Variants in CABLES1 observed in about 807,000 individuals in gnomAD.
CABLES1 encodes the protein Cdk5 and Abl enzyme substrate 1.
In CABLES1, 36 loss-of-function variants were observed where a neutral mutation model predicts 57.8. That is an observed-to-expected ratio of 0.62 (90% CI 0.48 to 0.82). The LOEUF (loss-of-function observed/expected upper bound fraction) is 0.82, where lower values mean the gene tolerates loss of function less well. Ranked by LOEUF, CABLES1 falls within the 40% of genes least tolerant of loss-of-function variation. The probability of loss-of-function intolerance (pLI) is 0.00; values close to 1 mark genes in which losing one functional copy is unlikely to be tolerated. For missense variants in CABLES1, 767 were observed against 836.6 expected, an observed-to-expected ratio of 0.92 and a Z score of 1.03; for synonymous variants, 374 against 363.0, an observed-to-expected ratio of 1.03 and a Z score of -0.35.
chr18:23,183,020 G>C (rs1889085223), intron 1 of CABLES1, among the ~76,000 whole-genome samples: 1 of 152,254 alleles, frequency 6.6e-6, no homozygotes, highest in South Asian at 2.1e-4. Flanking sequence ...GGTCCTCAGA[G>C]TCGCTGCAAA....
intron 4 of CABLES1, among the ~76,000 whole-genome samples, chr18:23,231,921 G>A (rs981328147): frequency 5.3e-5 from 8 of 152,146 alleles, no homozygotes; most frequent in African/African-American, 1.7e-4. Flanking sequence ...AGGCTGCCCC[G>A]GGGAAGCAGT....
At chr18:23,142,569 T>G (rs1473220333) in intron 1 of CABLES1, among the ~76,000 whole-genome samples, 3 of 152,240 alleles carry the variant, frequency 2.0e-5, no homozygotes, top group Non-Finnish European at 4.4e-5. Flanking sequence ...CAGTGTTATC[T>G]GTCAGTTATG....
At chr18:23,134,848 C>T (rs2046805679), upstream of CABLES1, among the ~76,000 whole-genome samples, 2 of 152,148 alleles carry the variant, frequency 1.3e-5, no homozygotes, top group African/African-American at 4.8e-5. Flanking sequence ...GGCTCTTATG[C>T]ATCCCAAGGC....
At chr18:23,149,053 A>G (rs184493107) in intron 1 of CABLES1, among the ~76,000 whole-genome samples, 6 of 152,046 alleles carry the variant, frequency 3.9e-5, no homozygotes, top group Admixed American at 2.6e-4. Flanking sequence ...CCATGCCCAG[A>G]TAAATTTTTT....
chr18:23,166,483 G>T (rs1005413367), intron 1 of CABLES1, among the ~76,000 whole-genome samples: 1 of 152,160 alleles, frequency 6.6e-6, no homozygotes, highest in Non-Finnish European at 1.5e-5. Flanking sequence ...GATTACAGGC[G>T]TGAGCCACCG....
intron 1 of CABLES1, among the ~76,000 whole-genome samples, chr18:23,187,642 C>T (rs1307796939): frequency 1.3e-5 from 2 of 152,182 alleles, no homozygotes; most frequent in African/African-American, 4.8e-5. Flanking sequence ...CTGCCTCGGC[C>T]TCCCAAAGTG....
Position 23,135,873 on chromosome 18 carries a change from TCAGCCCGCGGCCGCCGCGC to T in CABLES1, c.113_131del (p.Gln38ArgfsTer89). On this transcript the variant is annotated frameshift_variant, in exon 1 of 10. Transcript: ENST00000256925. LOFTEE classifies it high-confidence loss of function. ...AGCAGCCGCCGCCGCAGCCCCAGCCTCAGCCCGCGGCCGCCGCGCCGGCCCAGCCGCCGCCCGAACCCCC... is the reference window on the plus strand; with the variant it reads ...AGCAGCCGCCGCCGCAGCCCCAGCCTCGGCCCAGCCGCCGCCCGAACCCCC... 1 of 1,034,146 alleles carries T rather than the reference TCAGCCCGCGGCCGCCGCGC, an allele frequency of 9.7e-7. No homozygotes were observed. The highest frequency in any genetic ancestry group is 1.2e-6 in the Non-Finnish European group (1 of 865,090). The allele number at this position is 1,034,146 out of a possible 1,614,324, so 64.1% of individuals were successfully genotyped here.
intron 3 of CABLES1, among the ~76,000 whole-genome samples, chr18:23,203,083 T>G (rs1032200020): frequency 3.9e-5 from 6 of 152,094 alleles, no homozygotes; most frequent in African/African-American, 1.4e-4. Flanking sequence ...TTCGTCTTGG[T>G]GCTCCCAGTT....
chr18:23,253,628 G>GGAAAGA, intron 8 of CABLES1, 101 bp from the exon 9 acceptor site: 1 of 991,262 alleles, frequency 1.0e-6, no homozygotes, highest in Non-Finnish European at 1.5e-6. Flanking sequence ...TCACCCTCTG[G>GGAAAGA]GAAAGAGAAA....
chr18:23,194,595 G>T, intron 3 of CABLES1, 55 bp downstream of exon 3: 1 of 1,185,878 alleles, frequency 8.4e-7, no homozygotes, highest in Non-Finnish European at 1.3e-6. Context: ...GACAGGGACT[G>T]GAGGAGGGGA....
At chr18:23,141,581 G>T (rs1406710916) in intron 1 of CABLES1, among the ~76,000 whole-genome samples, 1 of 152,234 alleles carries the variant, frequency 6.6e-6, no homozygotes, top group Non-Finnish European at 1.5e-5. Context: ...GCAACCATGG[G>T]TTTTGGAGGT....
intron 7 of CABLES1, among the ~76,000 whole-genome samples, chr18:23,241,190 T>G (rs1422249795): frequency 1.3e-5 from 2 of 152,218 alleles, no homozygotes; most frequent in Non-Finnish European, 2.9e-5. Flanking sequence ...CATGTGAGAT[T>G]TCCCCATGTC....
chr18:23,175,950 AG>A lies in CABLES1; in HGVS notation c.846-12887del, dbSNP rs1333835570. Among the ~76,000 whole-genome samples the A allele has an allele frequency of 3.3e-5, 5 of 152,356 alleles. No homozygotes were observed. The Middle Eastern group carries it at 0.01, about 311-fold the overall frequency. On this transcript the variant is annotated intron_variant, in intron 1 of 9. Coordinates refer to ENST00000256925, the MANE Select transcript of CABLES1 (RefSeq NM_001100619.3). ...TGGAGATGAATAAATGTAAAAAAAA[AG>A]AATAAAGTCAACCAATCTACAAGTA...
At chr18:23,201,715 CTG>C (rs2047326465) in intron 3 of CABLES1, among the ~76,000 whole-genome samples, 1 of 152,252 alleles carries the variant, frequency 6.6e-6, no homozygotes, top group South Asian at 2.1e-4. Flanking sequence ...GGCACCTACT[CTG>C]TGACTATTGG....
At chr18:23,220,681 C>T (rs951052326) in intron 4 of CABLES1, among the ~76,000 whole-genome samples, 7 of 152,242 alleles carry the variant, frequency 4.6e-5, no homozygotes, top group African/African-American at 1.7e-4. Context: ...GGTCACAGCT[C>T]TCATAGGTGT....
intron 1 of CABLES1, among the ~76,000 whole-genome samples, chr18:23,169,157 G>A (rs911999929): frequency 4.6e-5 from 7 of 152,134 alleles, no homozygotes; most frequent in African/African-American, 1.7e-4. Flanking sequence ...CCGTGGCAAC[G>A]TCAGGAAGTT....
intron 2 of CABLES1, 92 bp downstream of exon 2, chr18:23,189,001 T>A: frequency 2.4e-6 from 2 of 828,780 alleles, no homozygotes; most frequent in Non-Finnish European, 3.8e-6. Flanking sequence ...TCTATAGAAT[T>A]AAATTTAAAA....
intron 3 of CABLES1, among the ~76,000 whole-genome samples, chr18:23,212,783 A>G (rs559718035): frequency 1.3e-5 from 2 of 151,998 alleles, no homozygotes; most frequent in South Asian, 2.1e-4. Flanking sequence ...GGAACAAAAA[A>G]CTCCATGAAG....
chr18:23,253,685 C>CT (rs758829904), intron 8 of CABLES1, 44 bp from the exon 9 acceptor site: 123 of 1,550,452 alleles, frequency 7.9e-5, no homozygotes, highest in Middle Eastern at 3.9e-4. Context: ...CACTGAAACT[C>CT]TAAGTTTTCA....
Sources: allele counts gnomAD v4.1 joint callset (sites outside exome capture counted in the v4.1 genomes callset), GRCh38; gene constraint gnomAD v4.1.1; transcripts MANE v1.5; gene names NCBI Gene and HGNC (gene_info 2026-07-23, HGNC 2026-07-21).